PCLO: variants seen among roughly 807,000 people sequenced by gnomAD.
PCLO encodes the protein piccolo presynaptic cytomatrix protein.
A neutral mutation model predicts 427.5 loss-of-function variants in PCLO; 82 were observed. The observed-to-expected ratio is 0.19, with a 90% CI of 0.16 to 0.23. The LOEUF is 0.23. PCLO is among the 10% of genes least tolerant of loss of function. The probability of loss-of-function intolerance (pLI) is 1.00; values close to 1 mark genes in which losing one functional copy is unlikely to be tolerated. For missense variants in PCLO, 6,239 were observed against 6,115.9 expected, an observed-to-expected ratio of 1.02 and a Z score of -0.67; for synonymous variants, 2,357 against 2,155.4, an observed-to-expected ratio of 1.09 and a Z score of -2.59.
At position 82,871,187 on chromosome 7, in the gene PCLO, GC is replaced by G. The variant is rs562909004; in HGVS notation, c.13654+8149del. ...GTCTATTACAGCACTATTCAAAATA[GC>G]CAAGAGATGGAATCAAACTGTGTTC... On this transcript the variant is annotated intron_variant, in intron 10 of 24. Transcript: ENST00000333891. 1.7e-3 allele frequency among the ~76,000 whole-genome samples: 258 copies of G among 152,032 alleles called. 1 individual carries two copies. Among genetic ancestry groups the G allele is most frequent in the Middle Eastern group, 3.4e-3 (1 of 294 alleles).
At chr7:83,066,310 T>A in intron 3 of PCLO, among the ~76,000 whole-genome samples, 1 of 152,130 alleles carries the variant, frequency 6.6e-6, no homozygotes. Context: ...TGTTAAATTC[T>A]CACTGTCTCA....
intron 3 of PCLO, among the ~76,000 whole-genome samples, chr7:83,123,352 T>C (rs768249828): frequency 1.3e-5 from 2 of 152,166 alleles, no homozygotes; most frequent in Non-Finnish European, 2.9e-5. Flanking sequence ...TCAACAAAGA[T>C]GCCAAGAAAC....
intron 22 of PCLO, among the ~76,000 whole-genome samples, chr7:82,772,713 GT>G (rs148088745): frequency 0.026 from 4,010 of 152,156 alleles, 169 homozygotes; most frequent in African/African-American, 0.09. Context: ...CAGAAGAAAA[GT>G]TTTTTCTGAT....
Position 83,155,706 on chromosome 7 carries a change from C to T in PCLO, c.935G>A (p.Gly312Glu), listed in dbSNP as rs779739484. The T allele has an allele frequency of 2.2e-5, 36 of 1,613,782 alleles. No individual in the cohort carries two copies. The highest frequency in any genetic ancestry group is 3.0e-5 in the Non-Finnish European group (35 of 1,179,880). ...TCCAGGCTGCTGTGCTGGAGGTTTT[C>T]CAGGAGTTGGTTGCTGAATAGGTGG... The part of the protein sequence containing the change: ...SKPPIQQPTP[G>E]KPPAQQPGHE... The change falls in exon 2 of 25, where the codon GGA becomes GAA. Residue 312 changes from glycine (G) to glutamate (E), a missense_variant. This residue lies in a region of PCLO where 4,677 missense variants were observed against 4,468.4 expected (regional missense o/e 1.05). Coordinates refer to ENST00000333891, the MANE Select transcript of PCLO (RefSeq NM_033026.6).
chr7:82,996,984 G>A (rs1787633564), intron 3 of PCLO, among the ~76,000 whole-genome samples: 1 of 151,906 alleles, frequency 6.6e-6, no homozygotes, highest in Non-Finnish European at 1.5e-5. Context: ...AAAAAGAACA[G>A]TCCTCCACTT....
At chr7:82,970,299 T>C (rs1216179609) in intron 3 of PCLO, among the ~76,000 whole-genome samples, 8 of 152,168 alleles carry the variant, frequency 5.3e-5, no homozygotes, top group Middle Eastern at 3.4e-3. Context: ...AGACATTTTG[T>C]AGAAGAAACT....
At chr7:83,143,554 T>C (rs1791917735) in intron 2 of PCLO, among the ~76,000 whole-genome samples, 2 of 149,454 alleles carry the variant, frequency 1.3e-5, no homozygotes, top group African/African-American at 4.9e-5. Flanking sequence ...ACAATAATGC[T>C]AACTGAATGC....
At chr7:82,890,573 G>A (rs1005740807) in intron 9 of PCLO, among the ~76,000 whole-genome samples, 4 of 151,732 alleles carry the variant, frequency 2.6e-5, no homozygotes, top group South Asian at 2.1e-4. Flanking sequence ...TAGATTTAAC[G>A]TTATAGAAGG....
intron 2 of PCLO, among the ~76,000 whole-genome samples, chr7:83,152,460 G>A (rs1391047451): frequency 6.6e-6 from 1 of 152,082 alleles, no homozygotes; most frequent in African/African-American, 2.4e-5. Context: ...TATTAATTGA[G>A]GTAACTTTCA....
intron 1 of PCLO, among the ~76,000 whole-genome samples, chr7:83,159,268 C>A (rs1042568495): frequency 5.9e-5 from 9 of 151,972 alleles, no homozygotes; most frequent in Non-Finnish European, 1.3e-4. Context: ...CTCTTTAGAA[C>A]CTGGATTTGG....
intron 20 of PCLO, among the ~76,000 whole-genome samples, chr7:82,808,741 A>G (rs1489870288): frequency 6.6e-6 from 1 of 151,942 alleles, no homozygotes; most frequent in Non-Finnish European, 1.5e-5. Flanking sequence ...AATTAGGTGA[A>G]TAATTCAAAT....
Position 82,956,746 on chromosome 7 carries a change from G to A in PCLO, c.4207C>T (p.Pro1403Ser). ...KKDSFSQESSPSSPSDLAKLE... is the reference protein window; with the variant it reads ...KKDSFSQESSSSSPSDLAKLE... Reference sequence around the variant, plus strand: ...TTAGCCAAATCTGAGGGGCTGGAAGGGCTGCTTTCTTGTGAAAAAGAGTCC... The same window carrying A: ...TTAGCCAAATCTGAGGGGCTGGAAGAGCTGCTTTCTTGTGAAAAAGAGTCC... The change falls in exon 5 of 25, where the codon CCT becomes TCT. Residue 1403 changes from proline (P) to serine (S), a missense_variant. Transcript: ENST00000333891. 1 of 1,613,810 alleles carries A rather than the reference G, an allele frequency of 6.2e-7. No individual in the cohort carries two copies. The highest frequency in any genetic ancestry group is 1.1e-5 in the South Asian group (1 of 91,076).
At chr7:83,117,768 T>G (rs1791170454) in intron 3 of PCLO, among the ~76,000 whole-genome samples, 1 of 152,214 alleles carries the variant, frequency 6.6e-6, no homozygotes, top group Non-Finnish European at 1.5e-5. Context: ...GTCTTTTTCT[T>G]TGACCCAGGA....
At chr7:83,053,620 G>C (rs1451287340) in intron 3 of PCLO, among the ~76,000 whole-genome samples, 1 of 151,840 alleles carries the variant, frequency 6.6e-6, no homozygotes, top group African/African-American at 2.4e-5. Context: ...AAAACATTTA[G>C]TTAGATCGAC....
chr7:82,965,737 T>C, intron 4 of PCLO, 34 bp downstream of exon 4: 1 of 1,392,178 alleles, frequency 7.2e-7, no homozygotes, highest in Non-Finnish European at 9.9e-7. Flanking sequence ...ATTTCACACA[T>C]GAGAGTGTGA....
intron 3 of PCLO, among the ~76,000 whole-genome samples, chr7:83,038,031 T>TATATATATATATATATATATATATATATA: frequency 5.8e-5 from 1 of 17,268 alleles, no homozygotes; most frequent in Admixed American, 1.1e-3. Context: ...ATATATATAT[T>TATATATATATATATATATATATATATATA]TATATATTTA....
At chr7:82,969,696 A>G (rs1440108015) in intron 3 of PCLO, among the ~76,000 whole-genome samples, 1 of 152,084 alleles carries the variant, frequency 6.6e-6, no homozygotes, top group Non-Finnish European at 1.5e-5. Context: ...TATTTGGTTT[A>G]TATCTATTGG....
chr7:82,950,361 T>C lies in PCLO; in HGVS notation c.10227A>G (p.Gln3409=), dbSNP rs1379941177. ...TAGCTCCAGAACTTCTCTTTTTGGG[T>C]TGTTTTTCCTCTTTCACAACAACAT... ...LTDVVVKEEK[Q]PKKRSSGAKV... is the part of the protein sequence containing the mutation. The change falls in exon 6 of 25, where the codon CAA becomes CAG. Residue 3409 remains glutamine, a synonymous_variant. Coordinates refer to ENST00000333891, the MANE Select transcript of PCLO (RefSeq NM_033026.6). 7 of 1,613,758 alleles carry C rather than the reference T, an allele frequency of 4.3e-6. No individual in the cohort carries two copies. The highest frequency in any genetic ancestry group is 1.3e-5 in the African/African-American group (1 of 74,946).
At chr7:83,088,195 A>C (rs1366832656) in intron 3 of PCLO, among the ~76,000 whole-genome samples, 2 of 152,180 alleles carry the variant, frequency 1.3e-5, no homozygotes, top group Non-Finnish European at 2.9e-5. Context: ...TTTTTCATTA[A>C]TCACAAGCTA....
Sources: allele counts gnomAD v4.1 joint callset (sites outside exome capture counted in the v4.1 genomes callset), GRCh38; gene constraint gnomAD v4.1.1; regional missense constraint gnomAD v4.1.1; transcripts MANE v1.5; gene names NCBI Gene and HGNC (gene_info 2026-07-23, HGNC 2026-07-21).